KIRREL3: variants seen among roughly 807,000 people sequenced by gnomAD.
KIRREL3 encodes kirre like nephrin family adhesion molecule 3, also known as kin of IRRE-like protein 3.
Under a neutral mutation model 89.7 loss-of-function variants are expected in KIRREL3, and 36 were observed. That is an observed-to-expected ratio of 0.40 (90% confidence interval 0.31 to 0.53). KIRREL3 has a LOEUF of 0.53. KIRREL3 is among the 20% of genes least tolerant of loss of function. KIRREL3 has a pLI of 0.49. For missense variants in KIRREL3, 864 were observed against 1,056.6 expected (o/e 0.82, Z 2.53); for synonymous variants, 445 against 441.4 (o/e 1.01, Z -0.10).
rs981205113 is a variant in KIRREL3, at chr11:126,427,973, A to C, written c.1806+1206T>G. Reference sequence around the variant, plus strand: ...ACCTGAAAATCAATTGGAGAGAGAAAGCGTAGCCGAGGGAAAAGTCAGTTT... The same window carrying C: ...ACCTGAAAATCAATTGGAGAGAGAACGCGTAGCCGAGGGAAAAGTCAGTTT... On this transcript the variant is annotated intron_variant, in intron 15 of 16. Transcript: ENST00000525144. The surrounding 1 kb of genome is among the most constrained non-coding windows in gnomAD (Gnocchi z 5.3). Among the ~76,000 whole-genome samples the C allele has an allele frequency of 2.0e-5, 3 of 152,128 alleles. No homozygotes were observed. The highest frequency in any genetic ancestry group is 6.6e-5 in the Admixed American group (1 of 15,262).
chr11:126,810,414 GA>G (rs1427127241), intron 1 of KIRREL3, among the ~76,000 whole-genome samples: 2 of 152,122 alleles, frequency 1.3e-5, no homozygotes, highest in Non-Finnish European at 2.9e-5. Context: ...GACTTGCTGG[GA>G]GGCCTTTCTT....
intron 2 of KIRREL3, among the ~76,000 whole-genome samples, chr11:126,547,320 G>A (rs1419155438): frequency 6.6e-6 from 1 of 152,240 alleles, no homozygotes; most frequent in African/African-American, 2.4e-5. Context: ...GTGTATTAGT[G>A]TCTCTGAGAA....
chr11:126,631,025 A>G (rs1163765857), intron 1 of KIRREL3, among the ~76,000 whole-genome samples: 2 of 152,196 alleles, frequency 1.3e-5, no homozygotes, highest in African/African-American at 4.8e-5. Context: ...TCCCCACACC[A>G]AAATATGAAA....
chr11:126,473,480 A>C lies in KIRREL3; in HGVS notation c.434-14T>G. On this transcript the variant is annotated splice_polypyrimidine_tract_variant and intron_variant, in intron 4 of 16. Coordinates refer to ENST00000525144, the MANE Select transcript of KIRREL3 (RefSeq NM_032531.4). ...CATCAGGCGGCACTGCGGGGAGAGA[A>C]GCAGTGAGGTCAGGCCGAGGCTCCC... 1 of 1,535,794 alleles carries C rather than the reference A, an allele frequency of 6.5e-7. No individual in the cohort carries two copies. Among genetic ancestry groups the C allele is most frequent in the South Asian group, 1.2e-5 (1 of 82,382 alleles).
chr11:126,824,909 C>G (rs1943353305), intron 1 of KIRREL3, among the ~76,000 whole-genome samples: 1 of 152,144 alleles, frequency 6.6e-6, no homozygotes, highest in African/African-American at 2.4e-5. Flanking sequence ...GGGTAAAGAT[C>G]TTGAGGCCCA....
At chr11:126,502,820 G>C (rs1220571733) in intron 4 of KIRREL3, among the ~76,000 whole-genome samples, 1 of 152,122 alleles carries the variant, frequency 6.6e-6, no homozygotes, top group African/African-American at 2.4e-5. Flanking sequence ...AACTAAGCAG[G>C]CTGTTGCATT....
chr11:126,660,297 CA>C (rs1482523160), intron 1 of KIRREL3, among the ~76,000 whole-genome samples: 1 of 152,196 alleles, frequency 6.6e-6, no homozygotes. Context: ...TGCTTACTTT[CA>C]CTTCCAAATG....
Position 126,440,432 on chromosome 11 carries a change from G to C in KIRREL3, c.1353+17C>G. On this transcript the variant is annotated intron_variant, in intron 11 of 16. Transcript: ENST00000525144. Reference sequence around the variant, plus strand: ...GCTGCTGGCCCGGCCCCCGCCCGCCGTCCCTGGAGCACTCACGATGCGGTC... The same window carrying C: ...GCTGCTGGCCCGGCCCCCGCCCGCCCTCCCTGGAGCACTCACGATGCGGTC... The C allele has an allele frequency of 6.4e-7, 1 of 1,555,546 alleles. No homozygotes were observed. Among genetic ancestry groups the C allele is most frequent in the Non-Finnish European group, 8.7e-7 (1 of 1,150,652 alleles).
At chr11:126,518,091 C>T (rs371131689) in intron 4 of KIRREL3, among the ~76,000 whole-genome samples, 2 of 152,236 alleles carry the variant, frequency 1.3e-5, no homozygotes, top group African/African-American at 2.4e-5. Context: ...GGCCTTCCCC[C>T]GTCTTTCCCT....
At chr11:126,895,511 G>A (rs967096692) in intron 1 of KIRREL3, among the ~76,000 whole-genome samples, 1 of 151,554 alleles carries the variant, frequency 6.6e-6, no homozygotes, top group Non-Finnish European at 1.5e-5. Flanking sequence ...AGCAGAGAGG[G>A]CATGAGGGAA....
At position 126,909,518 on chromosome 11, in the gene KIRREL3, T is replaced by C. The variant is rs1386160568; in HGVS notation, c.55+90937A>G. ...TGGCTCTGAGGATGAGAGAGTGCTC[T>C]GAGTTGAGATACACCGCCCACAATA... On this transcript the variant is annotated intron_variant, in intron 1 of 16. Transcript: ENST00000525144. The surrounding 1 kb of genome is among the most constrained non-coding windows in gnomAD (Gnocchi z 4.5). Among the ~76,000 whole-genome samples the C allele has an allele frequency of 6.6e-6, 1 of 152,138 alleles. No homozygotes were observed. Among genetic ancestry groups the C allele is most frequent in the East Asian group, 1.9e-4 (1 of 5,192 alleles).
chr11:126,896,937 C>G lies in KIRREL3; in HGVS notation c.55+103518G>C, dbSNP rs1358458482. ...TTTCTTTTGCTTGATATTTCTGGCT[C>G]CTTTCTTTTGTTACTCTAAGACTTT... On this transcript the variant is annotated intron_variant, in intron 1 of 16. Coordinates refer to ENST00000525144, the MANE Select transcript of KIRREL3 (RefSeq NM_032531.4). This position sits in a 1 kb window ranked among gnomAD's most constrained non-coding sequence, Gnocchi z 4.1. Among the ~76,000 whole-genome samples, 3 of 152,118 alleles carry G rather than the reference C, an allele frequency of 2.0e-5. No homozygotes were observed. The highest frequency in any genetic ancestry group is 6.5e-5 in the Admixed American group (1 of 15,272).
At chr11:126,542,628 A>G (rs969133042) in intron 2 of KIRREL3, among the ~76,000 whole-genome samples, 2 of 152,166 alleles carry the variant, frequency 1.3e-5, no homozygotes, top group African/African-American at 4.8e-5. Flanking sequence ...GGTGCACCCC[A>G]CCTTCCCCAT....
At position 126,807,920 on chromosome 11, in the gene KIRREL3, G is replaced by A. The variant is rs1951256522; in HGVS notation, c.55+192535C>T. On this transcript the variant is annotated intron_variant, in intron 1 of 16. Coordinates refer to ENST00000525144, the MANE Select transcript of KIRREL3 (RefSeq NM_032531.4). The surrounding 1 kb of genome is among the most constrained non-coding windows in gnomAD (Gnocchi z 4.3). ...CAAGTTGTGTGACTAATATGCCCAAGGCCATGGGCTGCAACCTTTTTATCT... is the reference window on the plus strand; with the variant it reads ...CAAGTTGTGTGACTAATATGCCCAAAGCCATGGGCTGCAACCTTTTTATCT... Among the ~76,000 whole-genome samples the A allele has an allele frequency of 6.6e-6, 1 of 152,190 alleles. No individual in the cohort carries two copies. Among genetic ancestry groups the A allele is most frequent in the African/African-American group, 2.4e-5 (1 of 41,428 alleles).
intron 11 of KIRREL3, among the ~76,000 whole-genome samples, chr11:126,439,615 G>C (rs890589539): frequency 2.0e-5 from 3 of 150,838 alleles, no homozygotes; most frequent in African/African-American, 7.3e-5. Flanking sequence ...CCAGGAGTTT[G>C]AGACCAGCCT....
In KIRREL3 at chr11:126,830,646, C is replaced by T. The variant is rs140822870; in HGVS notation, c.55+169809G>A. ...GCTAAGCAGGGATTGGACAGGCAGG[C>T]ACTTAGGAAGGTGTTCGTGCCAGAC... On this transcript the variant is annotated intron_variant, in intron 1 of 16. Coordinates refer to ENST00000525144, the MANE Select transcript of KIRREL3 (RefSeq NM_032531.4). The surrounding 1 kb of genome is among the most constrained non-coding windows in gnomAD (Gnocchi z 4.9). 6.6e-6 allele frequency among the ~76,000 whole-genome samples: 1 copy of T among 152,282 alleles called. No individual in the cohort carries two copies. Among genetic ancestry groups the T allele is most frequent in the African/African-American group, 2.4e-5 (1 of 41,560 alleles).
Position 126,744,466 on chromosome 11 carries a change from C to T in KIRREL3, c.56-181554G>A, listed in dbSNP as rs891416433. Among the ~76,000 whole-genome samples, 4 of 152,116 alleles carry T rather than the reference C, an allele frequency of 2.6e-5. No individual in the cohort carries two copies. Among genetic ancestry groups the T allele is most frequent in the Admixed American group, 2.0e-4 (3 of 15,284 alleles). ...CGGGGACAAGGAAATGGAGAGGTGG[C>T]GCAGGTGCGAAATGTATCTTGATGG... On this transcript the variant is annotated intron_variant, in intron 1 of 16. Coordinates refer to ENST00000525144, the MANE Select transcript of KIRREL3 (RefSeq NM_032531.4). This position sits in a 1 kb window ranked among gnomAD's most constrained non-coding sequence, Gnocchi z 4.7.
chr11:126,451,235 GTACAT>G (rs1956117066), intron 7 of KIRREL3, among the ~76,000 whole-genome samples: 1 of 146,448 alleles, frequency 6.8e-6, no homozygotes, highest in African/African-American at 2.6e-5. Context: ...GTATGCATGT[GTACAT>G]GTGTGAGCAT....
At position 126,995,292 on chromosome 11, in the gene KIRREL3, G is replaced by A. The variant is rs138532543; in HGVS notation, c.55+5163C>T. On this transcript the variant is annotated intron_variant, in intron 1 of 16. Coordinates refer to ENST00000525144, the MANE Select transcript of KIRREL3 (RefSeq NM_032531.4). The surrounding 1 kb of genome is among the most constrained non-coding windows in gnomAD (Gnocchi z 6.5). ...CTCTGCTGCAAGCGCCACCATTAAA[G>A]TCAAGATCACTGTGGTGGGGGGAGT... 1.0e-3 allele frequency: 460 copies of A among 456,242 alleles called. 4 individuals are homozygous for A. Among genetic ancestry groups the A allele is most frequent in the South Asian group, 1.7e-3 (112 of 64,562 alleles). 28.3% of individuals were successfully genotyped at this position (456,242 alleles called of 1,614,324 possible).
Sources: gnomAD v4.1 joint callset for allele counts (sites outside exome capture counted in the v4.1 genomes callset) on GRCh38, gnomAD v4.1.1 for gene constraint, Gnocchi (gnomAD v3.1) non-coding constraint, MANE v1.5 for transcripts, NCBI Gene and HGNC (gene_info 2026-07-23, HGNC 2026-07-21) for gene names.